The following COL11A2 variants were observed in gnomAD, a reference collection of about 807,000 sequenced individuals.
COL11A2 encodes collagen alpha-2(XI) chain.
COL11A2 carries 116 observed loss-of-function variants against 273.4 expected under a neutral mutation model. That is an observed-to-expected ratio of 0.42 (90% confidence interval 0.36 to 0.49). COL11A2 has a LOEUF of 0.49. Among genes scored for constraint, COL11A2 ranks in the 20% least tolerant of loss-of-function variants. The pLI is 0.00. For missense variants in COL11A2, 1,866 were observed against 2,309.0 expected (o/e 0.81, Z 3.93); for synonymous variants, 782 against 864.2 (o/e 0.90, Z 1.67).
Position 33,167,312 on chromosome 6 carries a change from C to T in COL11A2, c.4128G>A (p.Gln1376=). 1.2e-6 allele frequency: 2 copies of T among 1,613,746 alleles called. No individual in the cohort carries two copies. Among genetic ancestry groups the T allele is most frequent in the Non-Finnish European group, 1.7e-6 (2 of 1,180,004 alleles). ...GLRGLPGSVG[Q]QGRPGATGQA... ...GGCCTGTAGCTCCAGGTCGGCCTTGCTGACCCTGAAGATTTGAGGGGGCCA... is the reference window on the plus strand; with the variant it reads ...GGCCTGTAGCTCCAGGTCGGCCTTGTTGACCCTGAAGATTTGAGGGGGCCA... Residue 1376 remains glutamine, a synonymous_variant, in exon 57 of 66, where the codon CAG becomes CAA. Coordinates refer to ENST00000341947, the MANE Select transcript of COL11A2 (RefSeq NM_080680.3). The surrounding 1 kb of genome is among the most constrained non-coding windows in gnomAD (Gnocchi z 6.1).
intron 54 of COL11A2, among the ~76,000 whole-genome samples, chr6:33,168,184 C>T (rs1342444110): frequency 1.3e-5 from 2 of 152,074 alleles, no homozygotes; most frequent in African/African-American, 2.4e-5. Context: ...TTGTCAGTAA[C>T]CACCACTACC....
At chr6:33,172,944 C>T in intron 38 of COL11A2, 116 bp downstream of exon 38, 1 of 1,160,676 alleles carries the variant, frequency 8.6e-7, no homozygotes, top group East Asian at 2.5e-5. Flanking sequence ...ACCATTGACC[C>T]CAGCCCCAGG....
At chr6:33,188,927 C>T in intron 3 of COL11A2, 51 bp downstream of exon 3, 1 of 1,603,034 alleles carries the variant, frequency 6.2e-7, no homozygotes, top group Non-Finnish European at 8.5e-7. Flanking sequence ...TTTGGGGGCA[C>T]TTCCTCCTGA....
Position 33,165,431 on chromosome 6 carries a change from C to G in COL11A2, c.4750+118G>C. On this transcript the variant is annotated intron_variant, in intron 63 of 65. Coordinates refer to ENST00000341947, the MANE Select transcript of COL11A2 (RefSeq NM_080680.3). This position sits in a 1 kb window ranked among gnomAD's most constrained non-coding sequence, Gnocchi z 7.7. ...GTTAGTAAATAGCTGCAGTTCCCAG[C>G]CCCTCAGCCCTCACCCTTAACCCAA... 1.4e-6 allele frequency: 2 copies of G among 1,471,774 alleles called. No homozygotes were observed. Among genetic ancestry groups the G allele is most frequent in the Admixed American group, 3.4e-5 (2 of 59,398 alleles). 91.2% of individuals were successfully genotyped at this position (1,471,774 alleles called of 1,614,324 possible).
chr6:33,186,579 T>C, intron 5 of COL11A2, 48 bp downstream of exon 5: 1 of 1,613,756 alleles, frequency 6.2e-7, no homozygotes, highest in South Asian at 1.1e-5. Flanking sequence ...CTGGGTGTCT[T>C]CCCTCTCTGG....
Position 33,173,472 on chromosome 6 carries a change from GA to G in COL11A2, c.2682+29del, listed in dbSNP as rs1770428595. 1 of 1,612,238 alleles carries G rather than the reference GA, an allele frequency of 6.2e-7. No homozygotes were observed. Among genetic ancestry groups the G allele is most frequent in the Admixed American group, 1.7e-5 (1 of 59,960 alleles). ...GTAGGGAAGAAGGACTCAGAGAAGC[GA>G]GGTGGGTCAGAGCTCGGGGTCAACT... On this transcript the variant is annotated intron_variant, in intron 36 of 65. Transcript: ENST00000341947. The surrounding 1 kb of genome is among the most constrained non-coding windows in gnomAD (Gnocchi z 6.3).
chr6:33,178,639 T>A lies in COL11A2; in HGVS notation c.1719+40A>T. 1.2e-6 allele frequency: 2 copies of A among 1,611,204 alleles called. No homozygotes were observed. The highest frequency in any genetic ancestry group is 1.7e-6 in the Non-Finnish European group (2 of 1,178,684). Reference sequence around the variant, plus strand: ...TACCTATCCTCACTCCCATAGAAGATCTATCCCCAATTACAACACACACCC... The same window carrying A: ...TACCTATCCTCACTCCCATAGAAGAACTATCCCCAATTACAACACACACCC... On this transcript the variant is annotated intron_variant, in intron 18 of 65. Transcript: ENST00000341947. The surrounding 1 kb of genome is among the most constrained non-coding windows in gnomAD (Gnocchi z 4.6).
At chr6:33,172,228 G>T (rs1583315235) in intron 40 of COL11A2, 61 bp downstream of exon 40, 4 of 1,563,694 alleles carry the variant, frequency 2.6e-6, no homozygotes, top group Non-Finnish European at 3.5e-6. Context: ...GGACAGGGTC[G>T]GGGTGGGGAC....
chr6:33,172,901 A>C (rs1483770237), intron 38 of COL11A2, among the ~76,000 whole-genome samples, 159 bp downstream of exon 38: 1 of 152,062 alleles, frequency 6.6e-6, no homozygotes, highest in Non-Finnish European at 1.5e-5. Context: ...AACAGACTGA[A>C]GTTCAGGACC....
chr6:33,172,222 A>G lies in COL11A2; in HGVS notation c.2988+67T>C, dbSNP rs73741529. ...GAGTGACATGGAGGGGGTCAGGGAC[A>G]GGGTCGGGGTGGGGACTCAGGATGC... On this transcript the variant is annotated intron_variant, in intron 40 of 65. Coordinates refer to ENST00000341947, the MANE Select transcript of COL11A2 (RefSeq NM_080680.3). The G allele has an allele frequency of 1.8e-3, 2,266 of 1,278,924 alleles. 25 individuals carry two copies. In the African/African-American group the frequency reaches 0.031, roughly 17 times the overall value. The allele number at this position is 1,278,924 out of a possible 1,614,324, so 79.2% of individuals were successfully genotyped here.
At position 33,176,321 on chromosome 6, in the gene COL11A2, A is replaced by G; in HGVS notation, c.2170-18T>C. ...TCCACACCCTAGAATTAGAGAGGGGATAGAAGTAGACTGATCAGGGGATGG... is the reference window on the plus strand; with the variant it reads ...TCCACACCCTAGAATTAGAGAGGGGGTAGAAGTAGACTGATCAGGGGATGG... On this transcript the variant is annotated intron_variant, in intron 27 of 65. Transcript: ENST00000341947. The surrounding 1 kb of genome is among the most constrained non-coding windows in gnomAD (Gnocchi z 4.9). 3.7e-6 allele frequency: 6 copies of G among 1,603,520 alleles called. No individual in the cohort carries two copies. The highest frequency in any genetic ancestry group is 4.3e-6 in the Non-Finnish European group (5 of 1,174,964).
chr6:33,172,983 G>T (rs1770332644), intron 38 of COL11A2, 77 bp downstream of exon 38: 2 of 1,474,102 alleles, frequency 1.4e-6, no homozygotes, highest in Admixed American at 1.7e-5. Context: ...CGGGGCAGGG[G>T]CGTGTGACCG....
In COL11A2 at chr6:33,177,127, C is replaced by A. The variant is rs1771017014; in HGVS notation, c.2016+54G>T. ...AAAATCCCAGCAGACATTTAGGGTT[C>A]TCCCTACATCCCCACTCTAAACCCC... On this transcript the variant is annotated intron_variant, in intron 24 of 65. Coordinates refer to ENST00000341947, the MANE Select transcript of COL11A2 (RefSeq NM_080680.3). The surrounding 1 kb of genome is among the most constrained non-coding windows in gnomAD (Gnocchi z 5.9). 1 of 1,612,170 alleles carries A rather than the reference C, an allele frequency of 6.2e-7. No homozygotes were observed. Among genetic ancestry groups the A allele is most frequent in the Non-Finnish European group, 8.5e-7 (1 of 1,179,410 alleles).
rs760061620 is a variant in COL11A2, at chr6:33,176,351, G to A, written c.2170-48C>T. 1 of 1,599,534 alleles carries A rather than the reference G, an allele frequency of 6.3e-7. No individual in the cohort carries two copies. Among genetic ancestry groups the A allele is most frequent in the South Asian group, 1.1e-5 (1 of 89,552 alleles). On this transcript the variant is annotated intron_variant, in intron 27 of 65. Coordinates refer to ENST00000341947, the MANE Select transcript of COL11A2 (RefSeq NM_080680.3). This position sits in a 1 kb window ranked among gnomAD's most constrained non-coding sequence, Gnocchi z 4.9. The stretch of plus-strand genomic sequence containing the variant: ...AGTAGACTGATCAGGGGATGGAGGT[G>A]GGTTGGAAGGACCAAGCTCCTAAGA...
chr6:33,189,528 G>A lies in COL11A2; in HGVS notation c.83-59C>T. ...ATGCCCTCAGGAGGGCATAAATAGG[G>A]GACATTTGGGATCTAGAACTCAGCT... is the stretch of plus-strand genomic sequence containing the variant. On this transcript the variant is annotated intron_variant, in intron 1 of 65. Coordinates refer to ENST00000341947, the MANE Select transcript of COL11A2 (RefSeq NM_080680.3). This position sits in a 1 kb window ranked among gnomAD's most constrained non-coding sequence, Gnocchi z 5.6. 6.2e-7 allele frequency: 1 copy of A among 1,601,886 alleles called. No individual in the cohort carries two copies. The highest frequency in any genetic ancestry group is 8.5e-7 in the Non-Finnish European group (1 of 1,171,938).
chr6:33,173,326 G>T lies in COL11A2; in HGVS notation c.2736+22C>A. The T allele has an allele frequency of 6.2e-7, 1 of 1,611,116 alleles. No homozygotes were observed. ...GGTCTGATGGAGCCCCCTGAGAATG[G>T]GTAGCCAGGAGCATCACTCACCACT... On this transcript the variant is annotated intron_variant, in intron 37 of 65. Transcript: ENST00000341947. The surrounding 1 kb of genome is among the most constrained non-coding windows in gnomAD (Gnocchi z 6.3).
At position 33,178,383 on chromosome 6, in the gene COL11A2, T is replaced by C; in HGVS notation, c.1774-31A>G. 1 of 1,612,876 alleles carries C rather than the reference T, an allele frequency of 6.2e-7. No homozygotes were observed. Among genetic ancestry groups the C allele is most frequent in the African/African-American group, 1.3e-5 (1 of 74,962 alleles). The stretch of plus-strand genomic sequence containing the variant: ...GGAGGAGGACACGGTAAAGCTGCTG[T>C]GCCTTCTAGACCTCCCCTGCACCCA... On this transcript the variant is annotated intron_variant, in intron 19 of 65. Transcript: ENST00000341947. This position sits in a 1 kb window ranked among gnomAD's most constrained non-coding sequence, Gnocchi z 4.6.
Position 33,178,808 on chromosome 6 carries a change from G to T in COL11A2, c.1666-76C>A, listed in dbSNP as rs1771294267. 7.5e-6 allele frequency: 12 copies of T among 1,590,930 alleles called. No homozygotes were observed. The highest frequency in any genetic ancestry group is 7.8e-6 in the Non-Finnish European group (9 of 1,160,210). On this transcript the variant is annotated intron_variant, in intron 17 of 65. Coordinates refer to ENST00000341947, the MANE Select transcript of COL11A2 (RefSeq NM_080680.3). This position sits in a 1 kb window ranked among gnomAD's most constrained non-coding sequence, Gnocchi z 4.6. ...ACCCCTCCCTACTGCACCCTGAGCT[G>T]GGGGGGTGCTGATCCTGGGGAAGCC...
intron 8 of COL11A2, 43 bp downstream of exon 8, chr6:33,184,102 C>T: frequency 7.3e-7 from 1 of 1,361,618 alleles, no homozygotes; most frequent in Non-Finnish European, 9.8e-7. Context: ...TCTTGTAGCT[C>T]CCACTGGTAG....
Sources: gnomAD v4.1 joint callset for allele counts (sites outside exome capture counted in the v4.1 genomes callset) on GRCh38, gnomAD v4.1.1 for gene constraint, Gnocchi (gnomAD v3.1) non-coding constraint, MANE v1.5 for transcripts, NCBI Gene and HGNC (gene_info 2026-07-23, HGNC 2026-07-21) for gene names.